HMGB3: variants seen among roughly 807,000 people sequenced by gnomAD.
HMGB3 encodes the protein high mobility group protein B3.
Under a neutral mutation model 12.9 loss-of-function variants are expected in HMGB3, and 1 was observed. The ratio of observed to expected loss-of-function variants is 0.08; its 90% CI spans 0.03 to 0.37. HMGB3 has a LOEUF of 0.37. HMGB3 is among the 10% of genes least tolerant of loss of function. The pLI, the probability that HMGB3 is intolerant of heterozygous loss-of-function variation, is 0.99. For missense variants in HMGB3, 74 were observed against 153.3 expected (o/e 0.48, Z 2.73); for synonymous variants, 61 against 53.9 (o/e 1.13, Z -0.57).
intron 1 of HMGB3, 74 bp downstream of exon 1, chrX:150,983,450 C>T: frequency 1.6e-6 from 1 of 639,599 alleles, no homozygotes; most frequent in Non-Finnish European, 1.9e-6. Context: ...GCCGCCGCCG[C>T]CGCAGCGCCC....
In HMGB3 at chrX:150,983,356, C is replaced by G. The variant is rs1393831039; in HGVS notation, c.-26C>G. ...AGCCGCGCGTCGTGCCCTGCGCTGC[C>G]CAGACTAGCGAACAATACAGGTACG... On this transcript the variant is annotated 5_prime_UTR_variant, in exon 1 of 5. Transcript: ENST00000325307. The G allele has an allele frequency of 1.3e-6, 1 of 754,681 alleles. No homozygotes were observed. The highest frequency in any genetic ancestry group is 1.6e-6 in the Non-Finnish European group (1 of 640,630). 62.2% of individuals were successfully genotyped at this position (754,681 alleles called of 1,213,427 possible). A position where few individuals can be genotyped will look rare whatever the true frequency, so the allele number is the denominator to read the frequency against.
At chrX:150,984,510 A>C in intron 1 of HMGB3, 1 of 285,893 alleles carries the variant, frequency 3.5e-6, no homozygotes, top group Non-Finnish European at 4.7e-6. Context: ...GCCCGGCCGC[A>C]CACCCCCCGC....
chrX:150,989,761 T>G lies in HMGB3; in HGVS notation c.*1847T>G, dbSNP rs1338571175. On this transcript the variant is annotated 3_prime_UTR_variant, in exon 5 of 5. Coordinates refer to ENST00000325307, the MANE Select transcript of HMGB3 (RefSeq NM_005342.4). ...GCTATGAAACACGCAGGAGTGTTTT[T>G]GTGCTATTAATTTTAAGAGAAAGCA... 1 of 112,087 alleles carries G rather than the reference T, an allele frequency of 8.9e-6. No individual in the cohort carries two copies. 9.2% of individuals were successfully genotyped at this position (112,087 alleles called of 1,213,427 possible).
chrX:150,984,104 G>A (rs1469564945), intron 1 of HMGB3, among the ~76,000 whole-genome samples: 15 of 100,674 alleles, frequency 1.5e-4, no homozygotes, highest in African/African-American at 4.9e-4. Flanking sequence ...GAGGGCAGGG[G>A]AGGCGGGCGG....
At chrX:150,983,933 C>T (rs2048018002) in intron 1 of HMGB3, among the ~76,000 whole-genome samples, 2 of 105,520 alleles carry the variant, frequency 1.9e-5, no homozygotes, top group African/African-American at 3.3e-5. Flanking sequence ...GGCCCGGCGC[C>T]GCGCGGGCCC....
chrX:150,987,733 A>T lies in HMGB3; in HGVS notation c.466-44A>T, dbSNP rs1557425282. ...GGACTGCATGTTTCTACTTTGTGTT[A>T]AAACAGCCGCATACTCATTTGAAAT... On this transcript the variant is annotated intron_variant, in intron 4 of 4. Transcript: ENST00000325307. 7.4e-6 allele frequency: 8 copies of T among 1,084,807 alleles called. No individual in the cohort carries two copies. The Admixed American group carries it at 1.9e-4, about 26-fold the overall frequency. 89.4% of individuals were successfully genotyped at this position (1,084,807 alleles called of 1,213,427 possible).
upstream of HMGB3, among the ~76,000 whole-genome samples, chrX:150,982,213 G>A (rs1557425100): frequency 1.8e-5 from 2 of 111,598 alleles, no homozygotes; most frequent in Non-Finnish European, 3.8e-5. Context: ...ACTGTCCTAT[G>A]CAATGTAGGA....
upstream of HMGB3, among the ~76,000 whole-genome samples, chrX:150,981,296 T>C (rs782362250): frequency 2.8e-5 from 3 of 105,983 alleles, no homozygotes; most frequent in Non-Finnish European, 5.8e-5. Context: ...AGGAAGATGG[T>C]AAGCTCCCTA....
chrX:150,985,089 A>G (rs1429619276), intron 1 of HMGB3, among the ~76,000 whole-genome samples: 1 of 111,393 alleles, frequency 9.0e-6, no homozygotes, highest in African/African-American at 3.3e-5. Flanking sequence ...CAATAGTGAC[A>G]ATTTCAGATG....
At chrX:150,985,918 G>GC (rs2048047462) in intron 2 of HMGB3, 133 bp from the exon 3 acceptor site, 1 of 815,371 alleles carries the variant, frequency 1.2e-6, no homozygotes, top group Non-Finnish European at 1.8e-6. Flanking sequence ...TTTTTTTAAG[G>GC]CCCTGCACAG....
chrX:150,981,533 G>A (rs782069150), upstream of HMGB3, among the ~76,000 whole-genome samples: 4 of 103,880 alleles, frequency 3.9e-5, no homozygotes, highest in East Asian at 3.1e-4. Flanking sequence ...GCAGTAGCAT[G>A]ATCTTGGCTC....
At chrX:150,987,681 C>T in intron 4 of HMGB3, 96 bp from the exon 5 acceptor site, 1 of 657,085 alleles carries the variant, frequency 1.5e-6, no homozygotes. Flanking sequence ...TACTTGATTT[C>T]AATTCCTGTC....
Position 150,987,884 on chromosome X carries a change from AGAGGAGGAGGAG to A in HMGB3, c.585_596del (p.Glu195_Glu198del). 2.5e-6 allele frequency: 3 copies of A among 1,179,073 alleles called. No homozygotes were observed. Among genetic ancestry groups the A allele is most frequent in the Non-Finnish European group, 3.4e-6 (3 of 875,704 alleles). Reference sequence around the variant, plus strand: ...AAGATGAAGAAGAGGAGGAGGAAGAAGAGGAGGAGGAGGAGGAGGAGGATGAATAAAGAAACT... The same window carrying A: ...AAGATGAAGAAGAGGAGGAGGAAGAAGAGGAGGAGGATGAATAAAGAAACT... On this transcript the variant is annotated inframe_deletion, in exon 5 of 5. Transcript: ENST00000325307.
In HMGB3 at chrX:150,987,807, T is replaced by G; in HGVS notation, c.496T>G (p.Phe166Val). 1 of 1,206,394 alleles carries G rather than the reference T, an allele frequency of 8.3e-7. No individual in the cohort carries two copies. The change falls in exon 5 of 5, where the codon TTT becomes GTT. Residue 166 changes from phenylalanine to valine, a missense_variant. This residue lies in a region of HMGB3 where 29 missense variants were observed against 29.5 expected (regional missense o/e 0.98). Coordinates refer to ENST00000325307, the MANE Select transcript of HMGB3 (RefSeq NM_005342.4). ...DVADYKSKGK[F>V]DGAKGPAKVA... ...TGCTGACTATAAGTCGAAAGGAAAG[T>G]TTGATGGTGCAAAGGGTCCTGCTAA...
chrX:150,984,148 T>TCGGCCC (rs1164877659), intron 1 of HMGB3, among the ~76,000 whole-genome samples: 1 of 92,991 alleles, frequency 1.1e-5, no homozygotes, highest in Non-Finnish European at 2.2e-5. Context: ...GGCTCCGGCC[T>TCGGCCC]CGGCCCCGGC....
In HMGB3 at chrX:150,988,514, A is replaced by T. The variant is rs1323405797; in HGVS notation, c.*600A>T. ...TATAGTGACATAGCATTCTGCTGCCATCTTAGCTGTGGACAAAGGGGGGTC... is the reference window on the plus strand; with the variant it reads ...TATAGTGACATAGCATTCTGCTGCCTTCTTAGCTGTGGACAAAGGGGGGTC... On this transcript the variant is annotated 3_prime_UTR_variant, in exon 5 of 5. Coordinates refer to ENST00000325307, the MANE Select transcript of HMGB3 (RefSeq NM_005342.4). 1.8e-5 allele frequency: 2 copies of T among 109,328 alleles called. No homozygotes were observed. The highest frequency in any genetic ancestry group is 6.7e-5 in the African/African-American group (2 of 29,827). The allele number at this position is 109,328 out of a possible 1,213,427, so 9.0% of individuals were successfully genotyped here.
At chrX:150,987,671 T>A (rs181320252) in intron 4 of HMGB3, 106 bp from the exon 5 acceptor site, 114 of 606,896 alleles carry the variant, frequency 1.9e-4, no homozygotes, top group Non-Finnish European at 2.1e-5. Flanking sequence ...AGCACTGTCT[T>A]ACTTGATTTC....
chrX:150,986,040 G>A lies in HMGB3; in HGVS notation c.151-11G>A. On this transcript the variant is annotated splice_polypyrimidine_tract_variant and intron_variant, in intron 2 of 4. Coordinates refer to ENST00000325307, the MANE Select transcript of HMGB3 (RefSeq NM_005342.4). ...TGCATCGAGGGATTTAACGAGTCCTGTTCTTTGCAGACGATGTCCGGGAAA... is the reference window on the plus strand; with the variant it reads ...TGCATCGAGGGATTTAACGAGTCCTATTCTTTGCAGACGATGTCCGGGAAA... 1 of 1,205,517 alleles carries A rather than the reference G, an allele frequency of 8.3e-7. No individual in the cohort carries two copies. The highest frequency in any genetic ancestry group is 3.0e-5 in the East Asian group (1 of 33,771).
Position 150,987,866 on chromosome X carries a change from A to AAGAGGAGGAGGAAGATGAG in HMGB3, c.555_556insAGAGGAGGAGGAAGATGAG (p.Glu186ArgfsTer6), listed in dbSNP as rs2048069853. 8.4e-7 allele frequency: 1 copy of AAGAGGAGGAGGAAGATGAG among 1,193,986 alleles called. No individual in the cohort carries two copies. The highest frequency in any genetic ancestry group is 1.1e-6 in the Non-Finnish European group (1 of 887,523). ...GGAAAAAGGTGGAAGAGGAAGATGA[A>AAGAGGAGGAGGAAGATGAG]GAAGAGGAGGAGGAAGAAGAGGAGG... is the stretch of plus-strand genomic sequence containing the variant. On this transcript the variant is annotated stop_gained and frameshift_variant, in exon 5 of 5. Coordinates refer to ENST00000325307, the MANE Select transcript of HMGB3 (RefSeq NM_005342.4). LOFTEE classifies it high-confidence loss of function.
Sources: allele counts gnomAD v4.1 joint callset (sites outside exome capture counted in the v4.1 genomes callset), GRCh38; gene constraint gnomAD v4.1.1; regional missense constraint gnomAD v4.1.1; transcripts MANE v1.5; gene names NCBI Gene and HGNC (gene_info 2026-07-23, HGNC 2026-07-21).